SCN9A: variants seen among roughly 807,000 people sequenced by gnomAD.
SCN9A encodes the protein sodium channel protein type 9 subunit alpha.
In SCN9A, 131 loss-of-function variants were observed where a neutral mutation model predicts 187.0. The observed-to-expected ratio is 0.70, with a 90% CI of 0.61 to 0.81. The LOEUF (loss-of-function observed/expected upper bound fraction) is 0.81. SCN9A is among the 30% of genes least tolerant of loss of function. SCN9A has a pLI of 0.00. For synonymous variants in SCN9A, 809 were observed against 808.6 expected, an observed-to-expected ratio of 1.00 and a Z score of -0.01; for missense variants, 2,252 against 2,396.6, an observed-to-expected ratio of 0.94 and a Z score of 1.26.
chr2:166,248,417 C>T (rs1183172398), intron 18 of SCN9A: 1 of 152,088 alleles, frequency 6.6e-6, no homozygotes, highest in Non-Finnish European at 1.5e-5. Flanking sequence ...TCAAAATATA[C>T]TCAGCATGTC....
chr2:166,202,560 A>G (rs146266451), intron 26 of SCN9A, among the ~76,000 whole-genome samples: 2 of 151,904 alleles, frequency 1.3e-5, no homozygotes, highest in African/African-American at 4.8e-5. Context: ...AGACTCATTG[A>G]TATTTTCCTT....
Position 166,303,245 on chromosome 2 carries a change from A to T in SCN9A, c.746T>A (p.Met249Lys). 1 of 1,613,744 alleles carries T rather than the reference A, an allele frequency of 6.2e-7. No homozygotes were observed. Among genetic ancestry groups the T allele is most frequent in the South Asian group, 1.1e-5 (1 of 91,066 alleles). The change falls in exon 7 of 27, where the codon ATG (methionine) becomes AAG (lysine). Residue 249 changes from methionine (M) to lysine (K), a missense_variant. By Grantham distance (95) the Met-to-Lys change is moderately conservative. This residue lies in a region of SCN9A where 1,013 missense variants were observed against 997.4 expected (regional missense o/e 1.02). Transcript: ENST00000642356. ...ACTCAGACAGAACACAGTCAGGATC[A>T]TGACATCAGAAAGCTTCTTCACTGA... ...IQSVKKLSDV[M>K]ILTVFCLSVF...
At chr2:166,333,064 T>G (rs1254910530) in intron 1 of SCN9A, among the ~76,000 whole-genome samples, 2 of 151,764 alleles carry the variant, frequency 1.3e-5, no homozygotes, top group Admixed American at 1.3e-4. Flanking sequence ...TAAATAATAA[T>G]TGTAAGAATG....
Position 166,210,577 on chromosome 2 carries a change from A to AT in SCN9A, c.4399-6114dup, listed in dbSNP as rs773147158. Among the ~76,000 whole-genome samples the AT allele has an allele frequency of 1.7e-3, 251 of 151,466 alleles. 2 individuals are homozygous for AT. The highest frequency in any genetic ancestry group is 3.2e-3 in the Non-Finnish European group (217 of 67,830). On this transcript the variant is annotated intron_variant, in intron 24 of 26. Transcript: ENST00000642356. ...TATCCAGTCAGTGGAGCAAGAAGAA[A>AT]TAAAAAAAAAAATGAGTGAAGGTTC...
At chr2:166,365,237 T>C (rs1050317934) in intron 1 of SCN9A, among the ~76,000 whole-genome samples, 2 of 152,140 alleles carry the variant, frequency 1.3e-5, no homozygotes, top group African/African-American at 4.8e-5. Context: ...TAAATATAAA[T>C]ACATTTACAT....
At chr2:166,335,583 A>G (rs1311971046) in intron 1 of SCN9A, among the ~76,000 whole-genome samples, 2 of 152,136 alleles carry the variant, frequency 1.3e-5, no homozygotes, top group Non-Finnish European at 2.9e-5. Context: ...CTAGCACCAT[A>G]GGGGCAGGCA....
intron 24 of SCN9A, among the ~76,000 whole-genome samples, chr2:166,226,004 C>T (rs568842784): frequency 2.6e-5 from 4 of 152,120 alleles, no homozygotes; most frequent in Admixed American, 6.6e-5. Context: ...ATCCTGTTCT[C>T]GTAGGTCAAA....
rs774486736 is a variant in SCN9A at position 166,272,588 on chromosome 2, C to G, written c.3162G>C (p.Lys1054Asn). 3.6e-5 allele frequency: 58 copies of G among 1,613,262 alleles called. No individual in the cohort carries two copies. The highest frequency in any genetic ancestry group is 4.9e-5 in the Non-Finnish European group (58 of 1,179,730). ...CAAAACCACTGATTTTATCTTTTTC[C>G]TTGAGGAAATTGTGACCTTTGCTCA... ...AEMSKGHNFL[K>N]EKDKISGFGS... Residue 1054 changes from lysine (K) to asparagine (N), a missense_variant, in exon 17 of 27, where the codon AAG (lysine) becomes AAC (asparagine). Physicochemically the swap from Lys to Asn is moderately conservative, Grantham distance 94 (BLOSUM62 0). Coordinates refer to ENST00000642356, the MANE Select transcript of SCN9A (RefSeq NM_001365536.1).
At chr2:166,315,392 C>T (rs1226001266) in intron 1 of SCN9A, among the ~76,000 whole-genome samples, 1 of 152,162 alleles carries the variant, frequency 6.6e-6, no homozygotes, top group Non-Finnish European at 1.5e-5. Flanking sequence ...CCCCCAACCC[C>T]CATGCACATG....
rs1553495224 is a variant in SCN9A at position 166,303,246 on chromosome 2, T to A, written c.745A>T (p.Met249Leu). Residue 249 changes from methionine (M) to leucine (L), a missense_variant, in exon 7 of 27, where the codon ATG (methionine) becomes TTG (leucine). Coordinates refer to ENST00000642356, the MANE Select transcript of SCN9A (RefSeq NM_001365536.1). The part of the protein sequence containing the change: ...IQSVKKLSDV[M>L]ILTVFCLSVF... ...CTCAGACAGAACACAGTCAGGATCATGACATCAGAAAGCTTCTTCACTGAC... is the reference window on the plus strand; with the variant it reads ...CTCAGACAGAACACAGTCAGGATCAAGACATCAGAAAGCTTCTTCACTGAC... 6.2e-7 allele frequency: 1 copy of A among 1,613,722 alleles called. No homozygotes were observed. Among genetic ancestry groups the A allele is most frequent in the Non-Finnish European group, 8.5e-7 (1 of 1,179,750 alleles).
chr2:166,252,144 T>C (rs1184847327), intron 17 of SCN9A, among the ~76,000 whole-genome samples: 3 of 151,980 alleles, frequency 2.0e-5, no homozygotes, highest in Non-Finnish European at 2.9e-5. Context: ...GTGGCCAAAA[T>C]TAGATAAGGT....
At position 166,278,181 on chromosome 2, in the gene SCN9A, C is replaced by A; in HGVS notation, c.2476G>T (p.Ala826Ser). The A allele has an allele frequency of 2.5e-6, 4 of 1,613,144 alleles. No homozygotes were observed. Among genetic ancestry groups the A allele is most frequent in the Non-Finnish European group, 3.4e-6 (4 of 1,179,620 alleles). ...VTLSLVELFL[A>S]DVEGLSVLRS... ...AGAACTGACAATCCTTCCACATCTGCTAGAAAGAGCTCCACTAAACTTAAA... is the reference window on the plus strand; with the variant it reads ...AGAACTGACAATCCTTCCACATCTGATAGAAAGAGCTCCACTAAACTTAAA... Residue 826 changes from alanine to serine, a missense_variant, in exon 15 of 27, where the codon GCA becomes TCA. By Grantham distance (99) the Ala-to-Ser change is moderately conservative (BLOSUM62 1). Transcript: ENST00000642356.
intron 2 of SCN9A, among the ~76,000 whole-genome samples, chr2:166,309,372 T>C (rs1364050012): frequency 6.6e-6 from 1 of 152,148 alleles, no homozygotes; most frequent in Non-Finnish European, 1.5e-5. Flanking sequence ...AGTTAATTAT[T>C]AGCAGGAAAA....
chr2:166,352,563 TA>T (rs1291669788), intron 1 of SCN9A, among the ~76,000 whole-genome samples: 1 of 152,238 alleles, frequency 6.6e-6, no homozygotes, highest in African/African-American at 2.4e-5. Context: ...AATCATTAAT[TA>T]AAGTACATCT....
Position 166,197,103 on chromosome 2 carries a change from T to G in SCN9A, c.*1569A>C, listed in dbSNP as rs575980505. On this transcript the variant is annotated 3_prime_UTR_variant, in exon 27 of 27. Transcript: ENST00000642356. The stretch of plus-strand genomic sequence containing the variant: ...ATGGAAAGCAAATTAGTGAAAGTTG[T>G]TTTATATATTTGCTTCAAAACCTCC... 6.6e-6 allele frequency: 1 copy of G among 152,200 alleles called. No homozygotes were observed. Among genetic ancestry groups the G allele is most frequent in the African/African-American group, 2.4e-5 (1 of 41,578 alleles). 9.4% of individuals were successfully genotyped at this position (152,200 alleles called of 1,614,324 possible). A position where few individuals can be genotyped will look rare whatever the true frequency, so the allele number is the denominator to read the frequency against.
In SCN9A at chr2:166,228,756, G is replaced by A. The variant is rs748159444; in HGVS notation, c.4141C>T (p.Arg1381Ter). 6 of 1,613,674 alleles carry A rather than the reference G, an allele frequency of 3.7e-6. No individual in the cohort carries two copies. Among genetic ancestry groups the A allele is most frequent in the East Asian group, 4.5e-5 (2 of 44,872 alleles). Residue 1381 changes from arginine to a stop codon, truncating the protein, a stop_gained, in exon 22 of 27, where the codon CGA (arginine) becomes TGA (stop). Transcript: ENST00000642356. LOFTEE classifies it high-confidence loss of function. ...FALMNVSQNV[R>*]WKNLKVNFDN... ...AAGTTCACTTTCAGGTTTTTCCATC[G>A]CACATTTTGACTAACATTCATAAGG...
intron 1 of SCN9A, among the ~76,000 whole-genome samples, chr2:166,316,964 G>C (rs1427510229): frequency 6.6e-6 from 1 of 151,882 alleles, no homozygotes; most frequent in Admixed American, 6.6e-5. Flanking sequence ...GAGCAGCTTT[G>C]AAAGAGAGCG....
intron 21 of SCN9A, among the ~76,000 whole-genome samples, chr2:166,229,569 A>G (rs1558966669): frequency 6.6e-6 from 1 of 152,078 alleles, no homozygotes; most frequent in African/African-American, 2.4e-5. Context: ...AGGATTGAGA[A>G]TCTTTAAATG....
chr2:166,262,943 A>G (rs1696575991), intron 17 of SCN9A, among the ~76,000 whole-genome samples: 2 of 151,944 alleles, frequency 1.3e-5, no homozygotes, highest in South Asian at 4.1e-4. Context: ...GGCACTGTCC[A>G]CATCCTGCTT....
Sources: allele counts gnomAD v4.1 joint callset (sites outside exome capture counted in the v4.1 genomes callset), GRCh38; gene constraint gnomAD v4.1.1; regional missense constraint gnomAD v4.1.1; transcripts MANE v1.5; gene names NCBI Gene and HGNC (gene_info 2026-07-23, HGNC 2026-07-21).